Variants in RAB3D observed in about 807,000 individuals in gnomAD.
RAB3D encodes the protein RAB3D, member RAS oncogene family.
RAB3D carries 17 observed loss-of-function variants against 19.3 expected under a neutral mutation model. That is an observed-to-expected ratio of 0.88 (90% confidence interval 0.60 to 1.32). The LOEUF (loss-of-function observed/expected upper bound fraction) is 1.32, where lower values mean the gene tolerates loss of function less well. Among genes scored for constraint, RAB3D ranks in the 40% most tolerant of loss-of-function variants. The probability of loss-of-function intolerance (pLI) is 0.00; values close to 1 mark genes in which losing one functional copy is unlikely to be tolerated. For synonymous variants in RAB3D, 103 were observed against 119.9 expected (o/e 0.86, Z 0.92); for missense variants, 223 against 299.1 (o/e 0.75, Z 1.88).
At position 11,324,843 on chromosome 19, in the gene RAB3D, G is replaced by A. The variant is rs776943814; in HGVS notation, c.*555C>T. ...CTTTTCGCAAGTAGAGGGTCTGCAG[G>A]GGTCAAAGGGATCACCATCCCACCT... On this transcript the variant is annotated 3_prime_UTR_variant, in exon 5 of 5. Coordinates refer to ENST00000222120, the MANE Select transcript of RAB3D (RefSeq NM_004283.4). 6.6e-6 allele frequency: 1 copy of A among 152,444 alleles called. No individual in the cohort carries two copies. The highest frequency in any genetic ancestry group is 2.4e-5 in the African/African-American group (1 of 41,434). The allele number at this position is 152,444 out of a possible 1,614,324, so 9.4% of individuals were successfully genotyped here. A position where few individuals can be genotyped will look rare whatever the true frequency, so the allele number is the denominator to read the frequency against.
Position 11,337,301 on chromosome 19 carries a change from C to T in RAB3D, c.99G>A (p.Val33=). Residue 33 remains valine (V), a synonymous_variant, in exon 2 of 5, where the codon GTG becomes GTA. Coordinates refer to ENST00000222120, the MANE Select transcript of RAB3D (RefSeq NM_004283.4). ...FKLLLIGNSS[V]GKTSFLFRYA... ...ATCGGAACAGGAAGGAAGTCTTGCCCACACTGCTGTTGCCTATCAGTAGCA... is the reference window on the plus strand; with the variant it reads ...ATCGGAACAGGAAGGAAGTCTTGCCTACACTGCTGTTGCCTATCAGTAGCA... The T allele has an allele frequency of 1.9e-6, 3 of 1,614,162 alleles. No individual in the cohort carries two copies. The highest frequency in any genetic ancestry group is 2.5e-6 in the Non-Finnish European group (3 of 1,180,030).
chr19:11,330,584 C>T (rs1039401242), intron 4 of RAB3D, among the ~76,000 whole-genome samples: 3 of 152,094 alleles, frequency 2.0e-5, no homozygotes, highest in Admixed American at 2.0e-4. Flanking sequence ...GAGTCTCGCT[C>T]TCTTGCCCAG....
At chr19:11,326,853 C>T (rs112381962) in intron 4 of RAB3D, 9,517 of 642,936 alleles carry the variant, frequency 0.015, 544 homozygotes, top group African/African-American at 0.14. Flanking sequence ...AAAGCGATCC[C>T]CCCGCCTAGG....
chr19:11,327,438 G>A (rs891268435), intron 4 of RAB3D, among the ~76,000 whole-genome samples: 2 of 152,000 alleles, frequency 1.3e-5, no homozygotes. Flanking sequence ...TGCTCTTGTC[G>A]CCCAGGCTGG....
In RAB3D at chr19:11,332,084, A is replaced by G. The variant is rs150887309; in HGVS notation, c.472+3363T>C. On this transcript the variant is annotated intron_variant, in intron 4 of 4. Transcript: ENST00000222120. ...GTTTCACTCTTCTTACCCAGGCCGG[A>G]GTGCAATGGTGCGATCTCAGCTCAC... 9.8e-3 allele frequency among the ~76,000 whole-genome samples: 1,489 copies of G among 152,304 alleles called. 7 individuals carry two copies. The highest frequency in any genetic ancestry group is 0.015 in the Non-Finnish European group (990 of 68,020).
At chr19:11,328,679 T>C (rs1163621808) in intron 4 of RAB3D, among the ~76,000 whole-genome samples, 1 of 151,706 alleles carries the variant, frequency 6.6e-6, no homozygotes, top group Non-Finnish European at 1.5e-5. Context: ...TAGCCAGGTG[T>C]GGTGGCATGC....
In RAB3D at chr19:11,322,822, C is replaced by T. The variant is rs1381876641; in HGVS notation, c.*2576G>A. The T allele has an allele frequency of 6.6e-6, 1 of 152,212 alleles. No homozygotes were observed. Among genetic ancestry groups the T allele is most frequent in the African/African-American group, 2.4e-5 (1 of 41,456 alleles). 9.4% of individuals were successfully genotyped at this position (152,212 alleles called of 1,614,324 possible). ...AAATGCAGTCAAAGCTGTTTCTCAT[C>T]ACACAGGTGATTACAGGTTAGCTCT... On this transcript the variant is annotated 3_prime_UTR_variant, in exon 5 of 5. Coordinates refer to ENST00000222120, the MANE Select transcript of RAB3D (RefSeq NM_004283.4).
At chr19:11,326,947 G>A (rs2080817212) in intron 4 of RAB3D, 1 of 505,612 alleles carries the variant, frequency 2.0e-6, no homozygotes, top group East Asian at 3.4e-5. Flanking sequence ...GTCTGCCTGA[G>A]AGGAGCTGTC....
chr19:11,331,993 G>GT (rs2080837161), intron 4 of RAB3D, among the ~76,000 whole-genome samples: 1 of 152,180 alleles, frequency 6.6e-6, no homozygotes, highest in Non-Finnish European at 1.5e-5. Flanking sequence ...GCTGAATAAT[G>GT]TTTTATCAAA....
At chr19:11,333,060 G>T (rs1474593890) in intron 4 of RAB3D, among the ~76,000 whole-genome samples, 1 of 151,998 alleles carries the variant, frequency 6.6e-6, no homozygotes. Context: ...GCCAGCTCTG[G>T]GGCTGATGGA....
chr19:11,335,644 C>G, intron 3 of RAB3D, 21 bp downstream of exon 3: 1 of 1,613,796 alleles, frequency 6.2e-7, no homozygotes. Flanking sequence ...GATCAGGGGT[C>G]CATGATCAGC....
rs764300377 is a variant in RAB3D, at chr19:11,335,489, C to G, written c.430G>C (p.Val144Leu). 16 of 1,614,100 alleles carry G rather than the reference C, an allele frequency of 9.9e-6. No homozygotes were observed. The highest frequency in any genetic ancestry group is 1.2e-5 in the Non-Finnish European group (14 of 1,180,054). ...CTCCGGCCATCCTCAGCAGGCACAACACGTTCGTCCTCCAGGTCACACTTG... is the reference window on the plus strand; with the variant it reads ...CTCCGGCCATCCTCAGCAGGCACAAGACGTTCGTCCTCCAGGTCACACTTG... ...GNKCDLEDER[V>L]VPAEDGRRLA... is the part of the protein sequence containing the mutation. Residue 144 changes from valine (V) to leucine (L), a missense_variant, in exon 4 of 5, where the codon GTT becomes CTT. Val to Leu is a conservative substitution (Grantham distance 32). Coordinates refer to ENST00000222120, the MANE Select transcript of RAB3D (RefSeq NM_004283.4).
intron 4 of RAB3D, among the ~76,000 whole-genome samples, chr19:11,333,638 G>A (rs2080842572): frequency 6.6e-6 from 1 of 151,926 alleles, no homozygotes; most frequent in Non-Finnish European, 1.5e-5. Context: ...CTTGGATGGG[G>A]CTTATGGGAA....
chr19:11,323,514 C>G lies in RAB3D; in HGVS notation c.*1884G>C, dbSNP rs1455393898. The G allele has an allele frequency of 6.6e-6, 1 of 152,160 alleles. No individual in the cohort carries two copies. Among genetic ancestry groups the G allele is most frequent in the African/African-American group, 2.4e-5 (1 of 41,420 alleles). 9.4% of individuals were successfully genotyped at this position (152,160 alleles called of 1,614,324 possible). ...GCTGAGGCAGGAGAATCGCTTGAAC[C>G]CTGGAGGTGGAGGTTGCAGTAAGCT... is the stretch of plus-strand genomic sequence containing the variant. On this transcript the variant is annotated 3_prime_UTR_variant, in exon 5 of 5. Coordinates refer to ENST00000222120, the MANE Select transcript of RAB3D (RefSeq NM_004283.4).
At chr19:11,335,073 A>G (rs1382319640) in intron 4 of RAB3D, among the ~76,000 whole-genome samples, 1 of 152,270 alleles carries the variant, frequency 6.6e-6, no homozygotes, top group Admixed American at 6.5e-5. Flanking sequence ...ATGGCTGCAT[A>G]GTATTCCACC....
rs1051311619 is a variant in RAB3D at position 11,330,226 on chromosome 19, T to G, written c.473-4641A>C. Among the ~76,000 whole-genome samples the G allele has an allele frequency of 2.6e-5, 4 of 152,230 alleles. No homozygotes were observed. In the South Asian group the frequency reaches 8.3e-4, roughly 32 times the overall value. ...AAGGGGAAAGGGACTGGTTATGGCTTAGAGGTCAGCAAACCTCCTCTGTAA... is the reference window on the plus strand; with the variant it reads ...AAGGGGAAAGGGACTGGTTATGGCTGAGAGGTCAGCAAACCTCCTCTGTAA... On this transcript the variant is annotated intron_variant, in intron 4 of 4. Coordinates refer to ENST00000222120, the MANE Select transcript of RAB3D (RefSeq NM_004283.4).
Position 11,324,503 on chromosome 19 carries a change from CAGCTAAACAG to C in RAB3D, c.*885_*894del. The C allele has an allele frequency of 1.0e-5, 1 of 99,318 alleles. No individual in the cohort carries two copies. Among genetic ancestry groups the C allele is most frequent in the Non-Finnish European group, 1.8e-5 (1 of 55,998 alleles). The allele number at this position is 99,318 out of a possible 1,614,324, so 6.2% of individuals were successfully genotyped here. ...CTTGCTTAAAACACAACCAGCTAAA[CAGCTAAACAG>C]GGCCTGGGAGGGAGGCCCCAGCCCC... On this transcript the variant is annotated 3_prime_UTR_variant, in exon 5 of 5. Coordinates refer to ENST00000222120, the MANE Select transcript of RAB3D (RefSeq NM_004283.4).
At position 11,325,337 on chromosome 19, in the gene RAB3D, C is replaced by T. The variant is rs894150307; in HGVS notation, c.*61G>A. 1.3e-5 allele frequency: 15 copies of T among 1,149,410 alleles called. 1 individual carries two copies. The highest frequency in any genetic ancestry group is 6.2e-5 in the African/African-American group (4 of 64,240). 71.2% of individuals were successfully genotyped at this position (1,149,410 alleles called of 1,614,324 possible). A position where few individuals can be genotyped will look rare whatever the true frequency, so the allele number is the denominator to read the frequency against. Reference sequence around the variant, plus strand: ...GCTTGGAGATAACCACTGTGGCTCACGCCTCGATCACAGTCCCTGCCGAGG... The same window carrying T: ...GCTTGGAGATAACCACTGTGGCTCATGCCTCGATCACAGTCCCTGCCGAGG... On this transcript the variant is annotated 3_prime_UTR_variant, in exon 5 of 5. Transcript: ENST00000222120.
intron 2 of RAB3D, 81 bp from the exon 3 acceptor site, chr19:11,335,864 C>T (rs1360151866): frequency 6.2e-5 from 79 of 1,281,194 alleles, no homozygotes; most frequent in Non-Finnish European, 8.8e-5. Context: ...CTGCCCTGTA[C>T]TCATAGCCCC....
Sources: gnomAD v4.1 joint callset for allele counts (sites outside exome capture counted in the v4.1 genomes callset) on GRCh38, gnomAD v4.1.1 for gene constraint, MANE v1.5 for transcripts, NCBI Gene and HGNC (gene_info 2026-07-23, HGNC 2026-07-21) for gene names.